Variants in AGFG1 observed in about 807,000 individuals in gnomAD.
AGFG1 encodes the protein ArfGAP with FG repeats 1.
AGFG1 carries 10 observed loss-of-function variants against 60.6 expected under a neutral mutation model. The ratio of observed to expected loss-of-function variants is 0.16; its 90% CI spans 0.10 to 0.28. The LOEUF is 0.28. AGFG1 is among the 10% of genes least tolerant of loss of function. The probability of loss-of-function intolerance (pLI) is 1.00; values close to 1 mark genes in which losing one functional copy is unlikely to be tolerated. For missense variants in AGFG1, 537 were observed against 676.5 expected (o/e 0.79, Z 2.29); for synonymous variants, 247 against 242.9 (o/e 1.02, Z -0.16).
At chr2:227,512,144 G>T (rs1329767588) in intron 2 of AGFG1, among the ~76,000 whole-genome samples, 1 of 152,122 alleles carries the variant, frequency 6.6e-6, no homozygotes, top group Non-Finnish European at 1.5e-5. Flanking sequence ...TATGTGGCTG[G>T]TTCACAAAGG....
chr2:227,505,127 T>G (rs1473707650), intron 2 of AGFG1, among the ~76,000 whole-genome samples: 1 of 152,206 alleles, frequency 6.6e-6, no homozygotes, highest in Non-Finnish European at 1.5e-5. Context: ...TTATTATGTC[T>G]TCTTGATTAT....
intron 10 of AGFG1, among the ~76,000 whole-genome samples, chr2:227,550,745 A>G (rs910632931): frequency 3.9e-5 from 6 of 152,192 alleles, no homozygotes; most frequent in African/African-American, 1.4e-4. Flanking sequence ...CTTGTTTTTC[A>G]GCTTTTTAAA....
At chr2:227,503,235 CAATT>C (rs1405897187) in intron 2 of AGFG1, among the ~76,000 whole-genome samples, 1 of 135,884 alleles carries the variant, frequency 7.4e-6, no homozygotes, top group Non-Finnish European at 1.6e-5. Context: ...GAAGTTGTCT[CAATT>C]AAAAAAAAAA....
At chr2:227,520,378 A>T (rs1407286958) in intron 3 of AGFG1, among the ~76,000 whole-genome samples, 6 of 152,200 alleles carry the variant, frequency 3.9e-5, no homozygotes, top group African/African-American at 1.2e-4. Flanking sequence ...CTCCGTTCTT[A>T]AAAATCATTA....
At chr2:227,472,941 C>G (rs1288832773) in intron 1 of AGFG1, among the ~76,000 whole-genome samples, 2 of 145,030 alleles carry the variant, frequency 1.4e-5, no homozygotes, top group African/African-American at 2.6e-5. Context: ...CTCCAGCTAC[C>G]CGGGGCGCCG....
chr2:227,536,283 G>T (rs1384253220), intron 8 of AGFG1, among the ~76,000 whole-genome samples: 3 of 148,308 alleles, frequency 2.0e-5, no homozygotes. Context: ...TTGGTTTTCT[G>T]TCCTTGTGAT....
intron 8 of AGFG1, 61 bp from the exon 9 acceptor site, chr2:227,536,564 A>T: frequency 6.9e-7 from 1 of 1,443,672 alleles, no homozygotes; most frequent in Non-Finnish European, 9.7e-7. Flanking sequence ...GCTACCCTGT[A>T]AATCGTTACT....
intron 2 of AGFG1, among the ~76,000 whole-genome samples, chr2:227,494,679 A>G (rs1473720373): frequency 2.0e-5 from 3 of 152,242 alleles, no homozygotes; most frequent in Non-Finnish European, 4.4e-5. Context: ...GCCATATGCT[A>G]TGAATGTTCC....
At chr2:227,488,110 C>G (rs185849172) in intron 1 of AGFG1, among the ~76,000 whole-genome samples, 1 of 152,252 alleles carries the variant, frequency 6.6e-6, no homozygotes, top group Admixed American at 6.5e-5. Flanking sequence ...TTGAATAAAT[C>G]CTGTAACGAG....
chr2:227,558,495 G>A lies in AGFG1; in HGVS notation c.*4000G>A, dbSNP rs975272134. 1.3e-5 allele frequency: 2 copies of A among 151,754 alleles called. No individual in the cohort carries two copies. Among genetic ancestry groups the A allele is most frequent in the Admixed American group, 6.6e-5 (1 of 15,236 alleles). 9.4% of individuals were successfully genotyped at this position (151,754 alleles called of 1,614,324 possible). Reference sequence around the variant, plus strand: ...GTATCACAGACTCCTATTTTGTAAAGCATTCCACCTTTATTGATACAGTTT... The same window carrying A: ...GTATCACAGACTCCTATTTTGTAAAACATTCCACCTTTATTGATACAGTTT... On this transcript the variant is annotated 3_prime_UTR_variant, in exon 13 of 13. Transcript: ENST00000310078.
intron 2 of AGFG1, among the ~76,000 whole-genome samples, chr2:227,513,114 A>G (rs1264620088): frequency 2.0e-5 from 3 of 152,226 alleles, no homozygotes; most frequent in African/African-American, 7.2e-5. Context: ...GTCCCCCTCA[A>G]GGATTACTGA....
At chr2:227,478,280 G>T in intron 1 of AGFG1, among the ~76,000 whole-genome samples, 1 of 150,030 alleles carries the variant, frequency 6.7e-6, no homozygotes. Flanking sequence ...ACATATACAT[G>T]TATCTATTAT....
At chr2:227,518,975 C>G (rs1424303410) in intron 2 of AGFG1, among the ~76,000 whole-genome samples, 1 of 152,046 alleles carries the variant, frequency 6.6e-6, no homozygotes, top group African/African-American at 2.4e-5. Flanking sequence ...GAGTTCGAGA[C>G]CAGCCTGGGC....
At chr2:227,491,182 T>C (rs544435344) in intron 1 of AGFG1, among the ~76,000 whole-genome samples, 6 of 152,334 alleles carry the variant, frequency 3.9e-5, no homozygotes, top group South Asian at 2.1e-4. Context: ...TTAGGAAATA[T>C]GAAATATTTA....
rs370760481 is a variant in AGFG1 at position 227,553,953 on chromosome 2, A to T, written c.1629+158A>T. 1.5e-4 allele frequency among the ~76,000 whole-genome samples: 23 copies of T among 152,344 alleles called. No homozygotes were observed. In the East Asian group the frequency reaches 2.9e-3, roughly 19 times the overall value. ...AATTGACACAGAGCCATTATGTGTGATCCTTTTCTGACCTTTTAAAAAATT... is the reference window on the plus strand; with the variant it reads ...AATTGACACAGAGCCATTATGTGTGTTCCTTTTCTGACCTTTTAAAAAATT... On this transcript the variant is annotated intron_variant, in intron 12 of 12. Transcript: ENST00000310078.
chr2:227,501,665 C>G (rs1484219888), intron 2 of AGFG1, among the ~76,000 whole-genome samples: 1 of 151,994 alleles, frequency 6.6e-6, no homozygotes, highest in Non-Finnish European at 1.5e-5. Context: ...CTTACTGCAG[C>G]CTTGACTTCC....
chr2:227,477,810 A>G (rs751811844), intron 1 of AGFG1, among the ~76,000 whole-genome samples: 2 of 152,032 alleles, frequency 1.3e-5, no homozygotes, highest in Non-Finnish European at 2.9e-5. Flanking sequence ...GGGTTTCACC[A>G]TGTTGGCCAG....
At chr2:227,537,631 A>G (rs547365422) in intron 10 of AGFG1, among the ~76,000 whole-genome samples, 1 of 152,198 alleles carries the variant, frequency 6.6e-6, no homozygotes, top group Non-Finnish European at 1.5e-5. Context: ...TTCTCATGTT[A>G]TACCTCTGAT....
chr2:227,549,970 T>C (rs1199405891), intron 10 of AGFG1: 1 of 403,642 alleles, frequency 2.5e-6, no homozygotes, highest in African/African-American at 2.1e-5. Context: ...TCGAATTTTA[T>C]AACTTTTTAA....
Sources: allele counts gnomAD v4.1 joint callset (sites outside exome capture counted in the v4.1 genomes callset), GRCh38; gene constraint gnomAD v4.1.1; transcripts MANE v1.5; gene names NCBI Gene and HGNC (gene_info 2026-07-23, HGNC 2026-07-21).